Variants in PI4KA observed in about 807,000 individuals in gnomAD.
PI4KA encodes phosphatidylinositol 4-kinase alpha, also known as PI4-kinase alpha.
PI4KA carries 122 observed loss-of-function variants against 271.4 expected under a neutral mutation model. The ratio of observed to expected loss-of-function variants is 0.45; its 90% CI spans 0.39 to 0.52. The LOEUF (loss-of-function observed/expected upper bound fraction) is 0.52. PI4KA is among the 20% of genes least tolerant of loss of function. The pLI, the probability that PI4KA is intolerant of heterozygous loss-of-function variation, is 0.00. For synonymous variants in PI4KA, 1,041 were observed against 1,078.8 expected (o/e 0.96, Z 0.69); for missense variants, 1,969 against 2,769.1 (o/e 0.71, Z 6.48).
At chr22:20,838,884 C>G (rs1925212579) in intron 1 of PI4KA, among the ~76,000 whole-genome samples, 153 bp from the exon 2 acceptor site, 1 of 152,078 alleles carries the variant, frequency 6.6e-6, no homozygotes, top group Admixed American at 6.6e-5. Flanking sequence ...TGAGACTAGC[C>G]TGGCCAACAT....
intron 7 of PI4KA, among the ~76,000 whole-genome samples, chr22:20,814,219 C>T (rs1201246892): frequency 6.6e-6 from 1 of 152,026 alleles, no homozygotes; most frequent in Non-Finnish European, 1.5e-5. Context: ...AAAGTCAGAG[C>T]AACTAAGTGA....
chr22:20,722,041 A>G (rs1351257968), intron 42 of PI4KA: 1 of 152,276 alleles, frequency 6.6e-6, no homozygotes, highest in Non-Finnish European at 1.5e-5. Flanking sequence ...CTACACACAC[A>G]CTTGCTCTCT....
chr22:20,813,271 G>T, intron 8 of PI4KA, 87 bp downstream of exon 8: 1 of 989,978 alleles, frequency 1.0e-6, no homozygotes, highest in Non-Finnish European at 1.6e-6. Context: ...CTGGTACTCT[G>T]AGTTTTTCTT....
At position 20,805,144 on chromosome 22, in the gene PI4KA, T is replaced by C. The variant is rs1350548025; in HGVS notation, c.1190A>G (p.Lys397Arg). Residue 397 changes from lysine (K) to arginine (R), a missense_variant, in exon 11 of 55, where the codon AAG (lysine) becomes AGG (arginine). Physicochemically the swap from Lys to Arg is conservative, Grantham distance 26 (BLOSUM62 2). Around this residue, in one of 13 missense-constraint regions of PI4KA, gnomAD observed 540 missense variants for 555.5 expected, o/e 0.97. Coordinates refer to ENST00000255882, the MANE Select transcript of PI4KA (RefSeq NM_058004.4). ...CTCCAGCACAAAATCATGGATCTCC[T>C]TCACAAAAGAGGTCGGGAGGTCTGT... ...YMKDLPTSFV[K>R]EIHDFVLEQF... 1.9e-6 allele frequency: 3 copies of C among 1,613,686 alleles called. No individual in the cohort carries two copies. Among genetic ancestry groups the C allele is most frequent in the South Asian group, 2.2e-5 (2 of 91,016 alleles).
chr22:20,726,976 C>T (rs1601343469), intron 41 of PI4KA, among the ~76,000 whole-genome samples: 2 of 152,248 alleles, frequency 1.3e-5, no homozygotes. Flanking sequence ...GCCGCGCCGC[C>T]TCGTAATCAA....
intron 13 of PI4KA, among the ~76,000 whole-genome samples, chr22:20,802,507 C>T (rs994213227): frequency 6.6e-6 from 1 of 152,078 alleles, no homozygotes; most frequent in African/African-American, 2.4e-5. Flanking sequence ...CTGAGAGAAC[C>T]CTCCCCACTA....
chr22:20,761,773 CAA>C (rs1419903226), intron 22 of PI4KA, among the ~76,000 whole-genome samples: 3 of 152,048 alleles, frequency 2.0e-5, no homozygotes, highest in Non-Finnish European at 4.4e-5. Flanking sequence ...TGAGCTGTTA[CAA>C]AAAAAGTCTG....
At chr22:20,731,765 TA>T (rs1181732437) in intron 36 of PI4KA, among the ~76,000 whole-genome samples, 1 of 151,758 alleles carries the variant, frequency 6.6e-6, no homozygotes, top group African/African-American at 2.4e-5. Context: ...CCATCTCTAC[TA>T]AAAATACAAA....
chr22:20,776,374 G>A (rs982010110), intron 19 of PI4KA, among the ~76,000 whole-genome samples: 3 of 152,156 alleles, frequency 2.0e-5, no homozygotes, highest in Non-Finnish European at 4.4e-5. Context: ...TTTCCCGTGT[G>A]TAAACTAGTG....
At chr22:20,727,182 C>T in intron 41 of PI4KA, 48 bp downstream of exon 41, 1 of 1,566,878 alleles carries the variant, frequency 6.4e-7, no homozygotes, top group South Asian at 1.2e-5. Context: ...GGTAAGACCC[C>T]TCCCAACAGT....
At chr22:20,784,457 G>A (rs1019076771) in intron 19 of PI4KA, among the ~76,000 whole-genome samples, 4 of 152,194 alleles carry the variant, frequency 2.6e-5, no homozygotes, top group African/African-American at 7.2e-5. Context: ...CTGCCCTCTA[G>A]GGGCCAGTTT....
In PI4KA at chr22:20,804,660, G is replaced by A. The variant is rs1246745437; in HGVS notation, c.1361-260C>T. Among the ~76,000 whole-genome samples, 4 of 152,292 alleles carry A rather than the reference G, an allele frequency of 2.6e-5. 1 individual carries two copies. Among genetic ancestry groups the A allele is most frequent in the African/African-American group, 9.6e-5 (4 of 41,570 alleles). On this transcript the variant is annotated intron_variant, in intron 11 of 54. Transcript: ENST00000255882. ...CCCCCAGAAAAACACTTCACCTGAAGGCACTGAGCTTCCATGTCACCACAG... is the reference window on the plus strand; with the variant it reads ...CCCCCAGAAAAACACTTCACCTGAAAGCACTGAGCTTCCATGTCACCACAG...
At chr22:20,750,586 C>T (rs953713957) in intron 27 of PI4KA, among the ~76,000 whole-genome samples, 2 of 152,252 alleles carry the variant, frequency 1.3e-5, no homozygotes, top group African/African-American at 4.8e-5. Context: ...ACAAGAATAA[C>T]ATGTCACAGG....
At chr22:20,787,097 G>T in intron 19 of PI4KA, 7 of 1,583,096 alleles carry the variant, frequency 4.4e-6, no homozygotes, top group Non-Finnish European at 5.2e-6. Context: ...GAAGTGCCTT[G>T]GGGGCACCCT....
At chr22:20,834,109 G>GAAACTATTT in intron 3 of PI4KA, among the ~76,000 whole-genome samples, 1 of 152,202 alleles carries the variant, frequency 6.6e-6, no homozygotes, top group Non-Finnish European at 1.5e-5. Context: ...ACAAAGTGAT[G>GAAACTATTT]AAACTATTTA....
At chr22:20,727,181 C>T in intron 41 of PI4KA, 49 bp downstream of exon 41, 1 of 1,558,272 alleles carries the variant, frequency 6.4e-7, no homozygotes, top group Non-Finnish European at 8.7e-7. Context: ...AGGTAAGACC[C>T]CTCCCAACAG....
intron 1 of PI4KA, among the ~76,000 whole-genome samples, chr22:20,854,403 G>A (rs546343846): frequency 1.8e-4 from 27 of 152,308 alleles, no homozygotes; most frequent in African/African-American, 6.5e-4. Flanking sequence ...TTACAGGCGT[G>A]AGTCACTGTG....
intron 32 of PI4KA, among the ~76,000 whole-genome samples, chr22:20,739,764 A>T (rs1929189699): frequency 6.6e-6 from 1 of 152,158 alleles, no homozygotes; most frequent in African/African-American, 2.4e-5. Flanking sequence ...AATGCAAACT[A>T]TAAAAAAGAA....
chr22:20,812,097 G>A (rs965933789), intron 8 of PI4KA, among the ~76,000 whole-genome samples: 1 of 151,394 alleles, frequency 6.6e-6, no homozygotes, highest in Admixed American at 6.6e-5. Flanking sequence ...CCCCAAGAAA[G>A]GATGTGAAAC....
Sources: gnomAD v4.1 joint callset for allele counts (sites outside exome capture counted in the v4.1 genomes callset) on GRCh38, gnomAD v4.1.1 for gene constraint, gnomAD v4.1.1 regional missense constraint, MANE v1.5 for transcripts, NCBI Gene and HGNC (gene_info 2026-07-23, HGNC 2026-07-21) for gene names.